PFKFB1: variants seen among roughly 807,000 people sequenced by gnomAD.
PFKFB1 encodes 6-phosphofructo-2-kinase/fructose-2,6-biphosphatase 1, also known as 6-phosphofructo-2-kinase/fructose-2,6-bisphosphatase 1.
In PFKFB1, 34 loss-of-function variants were observed where a neutral mutation model predicts 46.4. The observed-to-expected ratio is 0.73, with a 90% CI of 0.56 to 0.98. PFKFB1 has a LOEUF of 0.98. Ranked by LOEUF, PFKFB1 falls within the 50% of genes least tolerant of loss-of-function variation. PFKFB1 has a pLI of 0.00. For missense variants in PFKFB1, 393 were observed against 376.3 expected (o/e 1.04, Z -0.37); for synonymous variants, 119 against 133.8 (o/e 0.89, Z 0.76).
At chrX:54,963,210 C>A in intron 2 of PFKFB1, 47 bp downstream of exon 2, 11 of 1,193,737 alleles carry the variant, frequency 9.2e-6, no homozygotes, top group East Asian at 3.0e-5. Flanking sequence ...AGGTTTTCAG[C>A]CAGTAGCTTT....
upstream of PFKFB1, chrX:54,994,866 C>T (rs183616815): frequency 6.6e-6 from 5 of 752,201 alleles, no homozygotes; most frequent in East Asian, 3.0e-4. Flanking sequence ...AAGAGTGCAG[C>T]CATTGCCTGG....
chrX:54,951,915 C>A lies in PFKFB1; in HGVS notation c.836G>T (p.Arg279Leu), dbSNP rs747386480. The change falls in exon 8 of 14, where the codon CGC becomes CTC. Residue 279 changes from arginine to leucine, a missense_variant. Transcript: ENST00000375006. ...TGTGGCCCACCCTACCTGCTTGCCG[C>A]GAACTGAGAGGCCAGAGTCACCTCC... ...RIGGDSGLSV[R>L]GKQYAYALAN... 1.7e-6 allele frequency: 2 copies of A among 1,197,793 alleles called. No homozygotes were observed. The highest frequency in any genetic ancestry group is 1.8e-5 in the South Asian group (1 of 54,938).
At chrX:54,998,307 G>T, upstream of PFKFB1, 1 of 682,695 alleles carries the variant, frequency 1.5e-6, no homozygotes, top group South Asian at 2.4e-5. Flanking sequence ...TAATGCACAC[G>T]ACAACCAACC....
chrX:54,993,229 C>G (rs1472727848), intron 1 of PFKFB1, among the ~76,000 whole-genome samples: 5 of 112,422 alleles, frequency 4.4e-5, no homozygotes, highest in Non-Finnish European at 9.4e-5. Flanking sequence ...TTTGTTTTGC[C>G]CTTGATCTTT....
intron 1 of PFKFB1, among the ~76,000 whole-genome samples, chrX:54,982,253 G>A (rs1935013716): frequency 9.0e-6 from 1 of 111,247 alleles, no homozygotes; most frequent in Non-Finnish European, 1.9e-5. Context: ...GAAGAGGAGG[G>A]AATATTTTCA....
At chrX:54,960,504 C>T (rs1172970104) in intron 3 of PFKFB1, among the ~76,000 whole-genome samples, 1 of 112,281 alleles carries the variant, frequency 8.9e-6, no homozygotes, top group Non-Finnish European at 1.9e-5. Flanking sequence ...GAAGTTTCTA[C>T]TCTCTCCTGT....
At position 54,937,446 on chromosome X, in the gene PFKFB1, C is replaced by T. The variant is rs1933440357; in HGVS notation, c.1228+149G>A. 3.3e-5 allele frequency: 16 copies of T among 485,481 alleles called. No homozygotes were observed. The South Asian group carries it at 5.8e-4, about 18-fold the overall frequency. 40.0% of individuals were successfully genotyped at this position (485,481 alleles called of 1,213,427 possible). ...TTAAAGAAATTTGTGAAAGGCAGTA[C>T]AGCTAGTATGTGAAAGAGAAAGAAT... On this transcript the variant is annotated intron_variant, in intron 11 of 13. Transcript: ENST00000375006.
chrX:54,974,899 A>G (rs1934795737), intron 1 of PFKFB1, among the ~76,000 whole-genome samples: 1 of 111,671 alleles, frequency 9.0e-6, no homozygotes. Context: ...TAAAACCACA[A>G]TGAGATACCA....
At chrX:54,973,840 T>C (rs940075800) in intron 1 of PFKFB1, among the ~76,000 whole-genome samples, 2 of 111,674 alleles carry the variant, frequency 1.8e-5, no homozygotes, top group African/African-American at 6.5e-5. Context: ...GAGAGTTCTG[T>C]AAGCAATTCA....
At chrX:54,966,410 G>A (rs1220250038) in intron 1 of PFKFB1, among the ~76,000 whole-genome samples, 1 of 112,226 alleles carries the variant, frequency 8.9e-6, no homozygotes, top group Admixed American at 9.5e-5. Context: ...AATTCAACAT[G>A]GTGTGCAATC....
intron 1 of PFKFB1, among the ~76,000 whole-genome samples, chrX:54,988,855 A>C (rs1479311624): frequency 1.8e-5 from 2 of 112,068 alleles, no homozygotes; most frequent in African/African-American, 6.5e-5. Flanking sequence ...AAATTGAAAA[A>C]CCTAAATGTA....
At chrX:54,994,245 G>T, upstream of PFKFB1, 1 of 753,805 alleles carries the variant, frequency 1.3e-6, no homozygotes, top group Non-Finnish European at 1.6e-6. Flanking sequence ...TGCAGAGGGC[G>T]AGAGGTTGGG....
intron 8 of PFKFB1, among the ~76,000 whole-genome samples, chrX:54,950,828 C>T (rs1249424226): frequency 8.9e-6 from 1 of 112,630 alleles, no homozygotes; most frequent in Non-Finnish European, 1.9e-5. Flanking sequence ...AGGATAGTGC[C>T]TTGCCTGGGG....
chrX:54,979,913 C>T (rs778417797), intron 1 of PFKFB1, among the ~76,000 whole-genome samples: 1 of 111,882 alleles, frequency 8.9e-6, no homozygotes, highest in Non-Finnish European at 1.9e-5. Flanking sequence ...TGGAAGCCAG[C>T]TGTCATGTTG....
intron 10 of PFKFB1, 142 bp from the exon 11 acceptor site, chrX:54,937,866 T>G: frequency 2.1e-6 from 1 of 471,242 alleles, no homozygotes; most frequent in African/African-American, 2.4e-5. Context: ...CTTAGGCAAC[T>G]CACTTCCTTC....
intron 1 of PFKFB1, among the ~76,000 whole-genome samples, chrX:54,972,107 A>C (rs1436922900): frequency 9.0e-6 from 1 of 110,699 alleles, no homozygotes; most frequent in African/African-American, 3.3e-5. Context: ...GCAATTGTGA[A>C]TGGGAGTTCA....
intron 1 of PFKFB1, among the ~76,000 whole-genome samples, chrX:54,970,443 G>A (rs940402596): frequency 2.0e-5 from 2 of 100,155 alleles, no homozygotes; most frequent in African/African-American, 3.7e-5. Context: ...CCATTAACTC[G>A]TCATCTATCA....
intron 8 of PFKFB1, among the ~76,000 whole-genome samples, chrX:54,950,979 C>T (rs1271341553): frequency 8.8e-6 from 1 of 113,076 alleles, no homozygotes; most frequent in East Asian, 2.8e-4. Context: ...GGAATGCCCA[C>T]CCCACAGACC....
intron 1 of PFKFB1, among the ~76,000 whole-genome samples, chrX:54,968,229 C>T (rs1443571024): frequency 1.4e-5 from 1 of 70,596 alleles, no homozygotes; most frequent in Non-Finnish European, 2.6e-5. Flanking sequence ...GAACAAAAAA[C>T]CAAACACCGC....
Sources: gnomAD v4.1 joint callset for allele counts (sites outside exome capture counted in the v4.1 genomes callset) on GRCh38, gnomAD v4.1.1 for gene constraint, MANE v1.5 for transcripts, NCBI Gene and HGNC (gene_info 2026-07-23, HGNC 2026-07-21) for gene names.